WT1: variants seen among roughly 807,000 people sequenced by gnomAD.
WT1 encodes the protein Wilms tumor protein.
A neutral mutation model predicts 60.8 loss-of-function variants in WT1; 8 were observed. The observed-to-expected ratio is 0.13, with a 90% CI of 0.08 to 0.24. The LOEUF (loss-of-function observed/expected upper bound fraction) is 0.24, where lower values mean the gene tolerates loss of function less well. Among genes scored for constraint, WT1 ranks in the 10% least tolerant of loss-of-function variants. The pLI, the probability that WT1 is intolerant of heterozygous loss-of-function variation, is 1.00. For missense variants in WT1, 568 were observed against 711.8 expected, an observed-to-expected ratio of 0.80 and a Z score of 2.30; for synonymous variants, 312 against 297.1, an observed-to-expected ratio of 1.05 and a Z score of -0.52.
At chr11:32,433,343 G>A (rs1853372186) in intron 1 of WT1, among the ~76,000 whole-genome samples, 1 of 152,238 alleles carries the variant, frequency 6.6e-6, no homozygotes, top group South Asian at 2.1e-4. Flanking sequence ...GAAAAGGGCG[G>A]TTTCGATTTC....
At chr11:32,393,364 G>T (rs979135988) in intron 7 of WT1, among the ~76,000 whole-genome samples, 1 of 152,210 alleles carries the variant, frequency 6.6e-6, no homozygotes, top group East Asian at 1.9e-4. Flanking sequence ...GAAGTCAGTA[G>T]TGGGATTACC....
intron 8 of WT1, among the ~76,000 whole-genome samples, 165 bp from the exon 9 acceptor site, chr11:32,392,229 A>C (rs534008245): frequency 6.6e-6 from 1 of 152,298 alleles, no homozygotes. Flanking sequence ...GCCCAACAAG[A>C]ATCACTGATT....
At position 32,430,443 on chromosome 11, in the gene WT1, A is replaced by AAAGAGGGAGGGG. The variant is rs1554945630; in HGVS notation, c.662-1825_662-1824insCCCCTCCCTCTT. ...AAGAGAGACAGACACAGAGAGAGAGAGAGAGAGGGAGGGAGAGAGAGAGAG... is the reference window on the plus strand; with the variant it reads ...AAGAGAGACAGACACAGAGAGAGAGAAAGAGGGAGGGGGAGAGAGGGAGGGAGAGAGAGAGAG... On this transcript the variant is annotated intron_variant, in intron 1 of 9. Transcript: ENST00000452863. 1.6e-5 allele frequency: 21 copies of AAAGAGGGAGGGG among 1,340,942 alleles called. No homozygotes were observed. The African/African-American group carries it at 3.6e-4, about 23-fold the overall frequency. The allele number at this position is 1,340,942 out of a possible 1,614,324, so 83.1% of individuals were successfully genotyped here.
chr11:32,392,498 T>C (rs1394771650), intron 8 of WT1, among the ~76,000 whole-genome samples, 168 bp downstream of exon 8: 2 of 152,206 alleles, frequency 1.3e-5, no homozygotes, highest in African/African-American at 4.8e-5. Context: ...TTCTTTCTTT[T>C]TCTTTATTTA....
intron 1 of WT1, among the ~76,000 whole-genome samples, chr11:32,432,800 G>A (rs1853357378): frequency 6.6e-6 from 1 of 152,182 alleles, no homozygotes; most frequent in South Asian, 2.1e-4. Context: ...AAAAGGGCTG[G>A]ACAAGGGACC....
chr11:32,414,477 A>C (rs182891635), intron 5 of WT1, among the ~76,000 whole-genome samples: 1 of 152,138 alleles, frequency 6.6e-6, no homozygotes, highest in East Asian at 1.9e-4. Flanking sequence ...TTTTCACCAC[A>C]TTGTCCAAGC....
At chr11:32,405,562 T>C (rs1477421897) in intron 5 of WT1, among the ~76,000 whole-genome samples, 1 of 150,626 alleles carries the variant, frequency 6.6e-6, no homozygotes, top group African/African-American at 2.4e-5. Context: ...TACTTATACA[T>C]AAATATATAT....
intron 1 of WT1, among the ~76,000 whole-genome samples, chr11:32,432,624 A>G (rs1267685774): frequency 1.3e-5 from 2 of 151,998 alleles, no homozygotes; most frequent in Non-Finnish European, 2.9e-5. Context: ...GGATACATTC[A>G]CCTACTAGTC....
At chr11:32,399,874 A>G in intron 6 of WT1, 74 bp downstream of exon 6, 2 of 1,509,330 alleles carry the variant, frequency 1.3e-6, no homozygotes, top group Non-Finnish European at 1.8e-6. Context: ...GTCCATCAGT[A>G]AGGAACTAAA....
chr11:32,409,332 T>C (rs1260697999), intron 5 of WT1, among the ~76,000 whole-genome samples: 1 of 152,148 alleles, frequency 6.6e-6, no homozygotes, highest in African/African-American at 2.4e-5. Context: ...GACAAAAACT[T>C]ACTATTTTTA....
intron 5 of WT1, among the ~76,000 whole-genome samples, chr11:32,411,553 G>A (rs1218827916): frequency 6.6e-6 from 1 of 152,128 alleles, no homozygotes; most frequent in Non-Finnish European, 1.5e-5. Flanking sequence ...CTTTTGGGGG[G>A]AGTTTTAATT....
intron 5 of WT1, among the ~76,000 whole-genome samples, chr11:32,411,454 A>T (rs1291741459): frequency 6.6e-6 from 1 of 152,206 alleles, no homozygotes; most frequent in Non-Finnish European, 1.5e-5. Context: ...TCATTTTTGT[A>T]AGAAAGAAAA....
chr11:32,430,707 G>T (rs1853274801), intron 1 of WT1: 1 of 1,423,736 alleles, frequency 7.0e-7, no homozygotes, highest in East Asian at 2.5e-5. Context: ...CGTGGCCCGC[G>T]AGCCCTCCTA....
intron 3 of WT1, among the ~76,000 whole-genome samples, chr11:32,422,793 T>C (rs1008623255): frequency 1.7e-4 from 26 of 152,244 alleles, no homozygotes; most frequent in African/African-American, 6.0e-4. Context: ...TGGTTTCACC[T>C]GCTAACAGGC....
At chr11:32,413,037 G>C (rs530242353) in intron 5 of WT1, among the ~76,000 whole-genome samples, 3 of 152,008 alleles carry the variant, frequency 2.0e-5, no homozygotes, top group African/African-American at 7.2e-5. Context: ...GACTTGCTTG[G>C]GATACAAGGA....
intron 5 of WT1, 27 bp from the exon 6 acceptor site, chr11:32,400,071 C>T (rs1411206670): frequency 3.1e-6 from 5 of 1,612,240 alleles, no homozygotes; most frequent in African/African-American, 1.3e-5. Context: ...GGGAAAAAGG[C>T]TCAGTGTGGC....
chr11:32,421,307 G>A (rs1852846964), intron 3 of WT1, among the ~76,000 whole-genome samples: 1 of 152,156 alleles, frequency 6.6e-6, no homozygotes, highest in Non-Finnish European at 1.5e-5. Context: ...CACTGTAGGT[G>A]CCACCACCTC....
At chr11:32,417,427 C>T in intron 4 of WT1, 150 bp downstream of exon 4, 1 of 716,758 alleles carries the variant, frequency 1.4e-6, no homozygotes. Context: ...AACTCACCAA[C>T]TAGGGGAAGG....
chr11:32,389,715 C>G (rs1180375337), intron 9 of WT1, among the ~76,000 whole-genome samples: 2 of 151,910 alleles, frequency 1.3e-5, no homozygotes, highest in African/African-American at 4.8e-5. Context: ...TCACTGATAC[C>G]AGTTTACATG....
Sources: gnomAD v4.1 joint callset for allele counts (sites outside exome capture counted in the v4.1 genomes callset) on GRCh38, gnomAD v4.1.1 for gene constraint, MANE v1.5 for transcripts, NCBI Gene and HGNC (gene_info 2026-07-23, HGNC 2026-07-21) for gene names.